ECT2: variants seen among roughly 807,000 people sequenced by gnomAD.
ECT2 encodes epithelial cell transforming 2.
In ECT2, 61 loss-of-function variants were observed where a neutral mutation model predicts 116.9. The ratio of observed to expected loss-of-function variants is 0.52; its 90% CI spans 0.42 to 0.65. The LOEUF (loss-of-function observed/expected upper bound fraction) is 0.65, where lower values mean the gene tolerates loss of function less well. Ranked by LOEUF, ECT2 falls within the 30% of genes least tolerant of loss-of-function variation. The pLI is 0.00. For synonymous variants in ECT2, 358 were observed against 346.4 expected, an observed-to-expected ratio of 1.03 and a Z score of -0.37; for missense variants, 937 against 1,078.7, an observed-to-expected ratio of 0.87 and a Z score of 1.84.
chr3:172,790,955 G>A (rs572889425), intron 18 of ECT2, among the ~76,000 whole-genome samples: 1 of 152,304 alleles, frequency 6.6e-6, no homozygotes, highest in East Asian at 1.9e-4. Context: ...AGGAGTTTTA[G>A]ACCAGCCTGA....
chr3:172,825,809 A>T (rs76640565), downstream of ECT2, among the ~76,000 whole-genome samples: 28 of 152,202 alleles, frequency 1.8e-4, no homozygotes, highest in Non-Finnish European at 3.8e-4. Flanking sequence ...AGAGCTGGCT[A>T]AGATAACTGA....
chr3:172,821,617 C>T (rs143883257), downstream of ECT2: 8 of 151,764 alleles, frequency 5.3e-5, no homozygotes, highest in East Asian at 3.9e-4. Context: ...TTTTATTTTA[C>T]GAGGCTATCT....
chr3:172,788,371 C>A (rs905377228), intron 18 of ECT2, among the ~76,000 whole-genome samples: 1 of 152,124 alleles, frequency 6.6e-6, no homozygotes, highest in Non-Finnish European at 1.5e-5. Context: ...TCAAATATGG[C>A]TTTTTTCTTA....
At chr3:172,757,396 CACAG>C (rs1204375066) in intron 5 of ECT2, among the ~76,000 whole-genome samples, 1 of 148,948 alleles carries the variant, frequency 6.7e-6, no homozygotes, top group African/African-American at 2.5e-5. Context: ...TATGCATATA[CACAG>C]ACAAATACAT....
At chr3:172,774,725 A>G (rs1010960245) in intron 14 of ECT2, among the ~76,000 whole-genome samples, 1 of 152,122 alleles carries the variant, frequency 6.6e-6, no homozygotes, top group African/African-American at 2.4e-5. Flanking sequence ...GCTGGTCTCA[A>G]ACTCCTGGAC....
Position 172,760,238 on chromosome 3 carries a change from A to G in ECT2, c.659A>G (p.Asn220Ser), listed in dbSNP as rs775788685. 5.0e-6 allele frequency: 8 copies of G among 1,611,438 alleles called. No individual in the cohort carries two copies. The highest frequency in any genetic ancestry group is 2.2e-5 in the East Asian group (1 of 44,670). Residue 220 changes from asparagine to serine, a missense_variant, in exon 7 of 25, where the codon AAT (asparagine) becomes AGT (serine). By Grantham distance (46) the Asn-to-Ser change is conservative. Coordinates refer to ENST00000392692, the MANE Select transcript of ECT2 (RefSeq NM_001258315.2). Reference protein sequence around the residue: ...FNSKVTHLVANCTQGEKFRVA... With the variant: ...FNSKVTHLVASCTQGEKFRVA... ...TCAAAAGTTACACATTTGGTGGCAA[A>G]TTGTACACAAGGAGAAAAATTCAGG... is the stretch of plus-strand genomic sequence containing the variant.
At chr3:172,767,136 CT>C (rs1196363817) in intron 12 of ECT2, among the ~76,000 whole-genome samples, 9 of 152,134 alleles carry the variant, frequency 5.9e-5, no homozygotes, top group Non-Finnish European at 1.5e-5. Context: ...TTTTGAGATT[CT>C]GTTTTTTTTA....
intron 14 of ECT2, among the ~76,000 whole-genome samples, chr3:172,778,021 CAT>C (rs982692165): frequency 6.6e-6 from 1 of 152,096 alleles, no homozygotes; most frequent in African/African-American, 2.4e-5. Context: ...TTCAGGAACC[CAT>C]GTATGTTGGC....
chr3:172,755,421 C>T (rs772169541), intron 3 of ECT2, 47 bp downstream of exon 3: 19 of 1,549,858 alleles, frequency 1.2e-5, no homozygotes, highest in East Asian at 2.3e-5. Flanking sequence ...AATTTTTCTT[C>T]CATCAGTGTG....
chr3:172,816,750 GA>G lies in ECT2; in HGVS notation c.2569del (p.Thr857HisfsTer18). 1 of 1,610,880 alleles carries G rather than the reference GA, an allele frequency of 6.2e-7. No individual in the cohort carries two copies. Among genetic ancestry groups the G allele is most frequent in the South Asian group, 1.1e-5 (1 of 90,638 alleles). On this transcript the variant is annotated frameshift_variant, in exon 24 of 25. Coordinates refer to ENST00000392692, the MANE Select transcript of ECT2 (RefSeq NM_001258315.2). LOFTEE classifies it high-confidence loss of function. ...PKRALRRALM[T>X]SHGSVEGRSP... is the part of the protein sequence containing the mutation. Reference sequence around the variant, plus strand: ...AAAGAGCTCTTCGAAGGGCTCTTATGACATCCCACGGCTCAGTGGAGGGAAG... The same window carrying G: ...AAAGAGCTCTTCGAAGGGCTCTTATGCATCCCACGGCTCAGTGGAGGGAAG...
At position 172,769,048 on chromosome 3, in the gene ECT2, C is replaced by T; in HGVS notation, c.1333C>T (p.Pro445Ser). The T allele has an allele frequency of 6.2e-7, 1 of 1,613,466 alleles. No individual in the cohort carries two copies. Among genetic ancestry groups the T allele is most frequent in the African/African-American group, 1.3e-5 (1 of 75,028 alleles). ...TACTAAGTCTTCTAAAAGCTCCACT[C>T]CAGTTCCTTCAAAGCAGTCAGCAAG... The part of the protein sequence containing the change: ...SCTKSSKSST[P>S]VPSKQSARWQ... The change falls in exon 13 of 25, where the codon CCA becomes TCA. Residue 445 changes from proline (P) to serine (S), a missense_variant. By Grantham distance (74) the Pro-to-Ser change is moderately conservative. Coordinates refer to ENST00000392692, the MANE Select transcript of ECT2 (RefSeq NM_001258315.2).
Position 172,786,562 on chromosome 3 carries a change from A to G in ECT2, c.1895A>G (p.Lys632Arg). 1 of 1,607,918 alleles carries G rather than the reference A, an allele frequency of 6.2e-7. No individual in the cohort carries two copies. The highest frequency in any genetic ancestry group is 8.5e-7 in the Non-Finnish European group (1 of 1,175,370). The stretch of plus-strand genomic sequence containing the variant: ...TTAGAAAAAGCTATTGGATCACTGA[A>G]GGAAGTAATGACGTAAGTGCATTAT... The part of the protein sequence containing the change: ...STLEKAIGSL[K>R]EVMTHINEDK... Residue 632 changes from lysine to arginine, a missense_variant, in exon 18 of 25, where the codon AAG becomes AGG. By Grantham distance (26) the Lys-to-Arg change is conservative (BLOSUM62 2). Coordinates refer to ENST00000392692, the MANE Select transcript of ECT2 (RefSeq NM_001258315.2).
At chr3:172,762,852 A>G in intron 10 of ECT2, 46 bp downstream of exon 10, 2 of 1,610,046 alleles carry the variant, frequency 1.2e-6, no homozygotes, top group Non-Finnish European at 1.7e-6. Flanking sequence ...CACTATTAAT[A>G]GCTTCTCTGA....
rs952805104 is a variant in ECT2 at position 172,776,873 on chromosome 3, G to T, written c.1548+2851G>T. On this transcript the variant is annotated intron_variant, in intron 14 of 24. Transcript: ENST00000392692. ...AATATGTAGTGGAAAAAACGGGTTT[G>T]TTTTTTTTTTTTTCTTTTTGCGACA... Among the ~76,000 whole-genome samples, 144 of 144,006 alleles carry T rather than the reference G, an allele frequency of 1.0e-3. 1 individual carries two copies. The highest frequency in any genetic ancestry group is 3.6e-3 in the Middle Eastern group (1 of 280). The allele number at this position is 144,006 out of a possible 152,430, so 94.5% of individuals were successfully genotyped here.
In ECT2 at chr3:172,762,825, A is replaced by T; in HGVS notation, c.1005+19A>T. On this transcript the variant is annotated intron_variant, in intron 10 of 24. Coordinates refer to ENST00000392692, the MANE Select transcript of ECT2 (RefSeq NM_001258315.2). ...GCAAGAGGCAAGTAATTCTAGAATGAGGTTGGTTTTTAAAAACACTATTAA... is the reference window on the plus strand; with the variant it reads ...GCAAGAGGCAAGTAATTCTAGAATGTGGTTGGTTTTTAAAAACACTATTAA... The T allele has an allele frequency of 3.1e-6, 5 of 1,609,638 alleles. No individual in the cohort carries two copies. Among genetic ancestry groups the T allele is most frequent in the Non-Finnish European group, 4.2e-6 (5 of 1,178,268 alleles).
At chr3:172,810,549 T>C (rs1237281701) in intron 22 of ECT2, among the ~76,000 whole-genome samples, 1 of 152,204 alleles carries the variant, frequency 6.6e-6, no homozygotes, top group Non-Finnish European at 1.5e-5. Context: ...TTAGTATAAA[T>C]GTCTGTTATT....
intron 22 of ECT2, 103 bp downstream of exon 22, chr3:172,808,027 GT>G: frequency 8.5e-7 from 1 of 1,175,720 alleles, no homozygotes; most frequent in Non-Finnish European, 1.2e-6. Flanking sequence ...TGAATGGAGA[GT>G]TTTAGTTTTG....
At chr3:172,814,289 T>C (rs903967730) in intron 22 of ECT2, among the ~76,000 whole-genome samples, 2 of 152,050 alleles carry the variant, frequency 1.3e-5, no homozygotes, top group African/African-American at 4.8e-5. Context: ...AACATTTCAT[T>C]TCAAAGTACT....
At chr3:172,777,260 A>G (rs888425391) in intron 14 of ECT2, among the ~76,000 whole-genome samples, 3 of 152,170 alleles carry the variant, frequency 2.0e-5, no homozygotes, top group African/African-American at 7.2e-5. Context: ...TGACTCATGA[A>G]GTTGGGCAAA....
Sources: allele counts gnomAD v4.1 joint callset (sites outside exome capture counted in the v4.1 genomes callset), GRCh38; gene constraint gnomAD v4.1.1; transcripts MANE v1.5; gene names NCBI Gene and HGNC (gene_info 2026-07-23, HGNC 2026-07-21).